Variants in PCGF6 observed in about 807,000 individuals in gnomAD.
The protein encoded by PCGF6 is polycomb group ring finger 6, also known as polycomb group RING finger protein 6.
In PCGF6, 24 loss-of-function variants were observed where a neutral mutation model predicts 45.5. That is an observed-to-expected ratio of 0.53 (90% CI 0.38 to 0.74). The LOEUF (loss-of-function observed/expected upper bound fraction) is 0.74, where lower values mean the gene tolerates loss of function less well. PCGF6 is among the 30% of genes least tolerant of loss of function. PCGF6 has a pLI of 0.00. For missense variants in PCGF6, 356 were observed against 443.2 expected, an observed-to-expected ratio of 0.80 and a Z score of 1.77; for synonymous variants, 152 against 162.1, an observed-to-expected ratio of 0.94 and a Z score of 0.47.
intron 7 of PCGF6, among the ~76,000 whole-genome samples, chr10:103,332,161 T>A (rs2093242425): frequency 6.6e-6 from 1 of 152,216 alleles, no homozygotes; most frequent in Non-Finnish European, 1.5e-5. Flanking sequence ...GTCACCTTCC[T>A]ATATGTCTTG....
chr10:103,347,092 A>G, intron 5 of PCGF6, 146 bp downstream of exon 5: 2 of 584,698 alleles, frequency 3.4e-6, no homozygotes, highest in South Asian at 6.0e-5. Context: ...TAATTTTTAT[A>G]AATAAATTGG....
intron 7 of PCGF6, among the ~76,000 whole-genome samples, chr10:103,331,481 C>T (rs757999191): frequency 1.3e-5 from 2 of 152,130 alleles, no homozygotes; most frequent in Non-Finnish European, 2.9e-5. Context: ...TAGTCTCGAA[C>T]TCCTGAACTC....
At chr10:103,313,742 A>G (rs1175582896) in intron 9 of PCGF6, among the ~76,000 whole-genome samples, 3 of 152,222 alleles carry the variant, frequency 2.0e-5, no homozygotes, top group Non-Finnish European at 4.4e-5. Flanking sequence ...CTAAAGCCTA[A>G]TAAGTACTTG....
intron 8 of PCGF6, among the ~76,000 whole-genome samples, chr10:103,318,916 C>T (rs1205649199): frequency 2.6e-5 from 4 of 152,140 alleles, no homozygotes; most frequent in Non-Finnish European, 1.5e-5. Context: ...ACGACAGCAG[C>T]CTCAAGGCTG....
chr10:103,339,808 AAAACAC>A (rs1158044644), intron 6 of PCGF6, among the ~76,000 whole-genome samples: 1,580 of 78,012 alleles, frequency 0.02, 105 homozygotes, highest in African/African-American at 0.031. Context: ...TCTCAAAAAA[AAAACAC>A]ACACACACAC....
intron 8 of PCGF6, among the ~76,000 whole-genome samples, chr10:103,322,887 A>C (rs571025234): frequency 2.0e-5 from 3 of 150,678 alleles, no homozygotes; most frequent in South Asian, 4.2e-4. Flanking sequence ...CCAAAAAAAA[A>C]ACAAAAAACA....
intron 6 of PCGF6, among the ~76,000 whole-genome samples, chr10:103,336,412 T>C (rs2093257550): frequency 6.6e-6 from 1 of 151,986 alleles, no homozygotes; most frequent in South Asian, 2.1e-4. Flanking sequence ...TACACATAAA[T>C]AGAATGTTAA....
intron 1 of PCGF6, among the ~76,000 whole-genome samples, chr10:103,349,791 A>G (rs2093314313): frequency 6.7e-6 from 1 of 150,030 alleles, no homozygotes; most frequent in Non-Finnish European, 1.5e-5. Context: ...TTGTTTCAAA[A>G]GGATCTTTAC....
At chr10:103,326,669 A>C in intron 7 of PCGF6, 37 bp from the exon 8 acceptor site, 1 of 1,493,504 alleles carries the variant, frequency 6.7e-7, no homozygotes, top group Non-Finnish European at 9.3e-7. Flanking sequence ...TTTTAGGTTA[A>C]ATATACCTGT....
rs547655954 is a variant in PCGF6, at chr10:103,331,446, T to C, written c.810+2479A>G. On this transcript the variant is annotated intron_variant, in intron 7 of 9. Transcript: ENST00000369847. ...CTAATTTTTGTATTTTTAATAGAGATAGAGTTTTGGCATGTTGGCCAGGCT... is the reference window on the plus strand; with the variant it reads ...CTAATTTTTGTATTTTTAATAGAGACAGAGTTTTGGCATGTTGGCCAGGCT... 4.6e-5 allele frequency among the ~76,000 whole-genome samples: 7 copies of C among 152,034 alleles called. No individual in the cohort carries two copies. In the East Asian group the frequency reaches 5.9e-4, roughly 13 times the overall value.
At chr10:103,334,422 T>C (rs2093249688) in intron 6 of PCGF6, among the ~76,000 whole-genome samples, 2 of 152,164 alleles carry the variant, frequency 1.3e-5, no homozygotes, top group African/African-American at 4.8e-5. Flanking sequence ...AATACATTAT[T>C]AACTGTAGTC....
chr10:103,309,006 G>GT (rs1359960760), intron 9 of PCGF6, among the ~76,000 whole-genome samples: 1 of 152,102 alleles, frequency 6.6e-6, no homozygotes, highest in Non-Finnish European at 1.5e-5. Flanking sequence ...TTTGCCCAAT[G>GT]TTTATACCCC....
rs536437333 is a variant in PCGF6 at position 103,304,802 on chromosome 10, C to T, written c.997-841G>A. Among the ~76,000 whole-genome samples the T allele has an allele frequency of 3.3e-5, 5 of 152,082 alleles. No individual in the cohort carries two copies. In the East Asian group the frequency reaches 7.7e-4, roughly 23 times the overall value. Reference sequence around the variant, plus strand: ...TTATGAATAGCTGGGAAAATAGACACGCACCACCACCAGACTCATTTTTGT... The same window carrying T: ...TTATGAATAGCTGGGAAAATAGACATGCACCACCACCAGACTCATTTTTGT... On this transcript the variant is annotated intron_variant, in intron 9 of 9. Coordinates refer to ENST00000369847, the MANE Select transcript of PCGF6 (RefSeq NM_001011663.2).
At chr10:103,331,451 T>G (rs534837903) in intron 7 of PCGF6, among the ~76,000 whole-genome samples, 8 of 151,826 alleles carry the variant, frequency 5.3e-5, no homozygotes, top group Admixed American at 5.3e-4. Flanking sequence ...AGAGATAGAG[T>G]TTTGGCATGT....
chr10:103,324,519 G>A (rs2093209484), intron 8 of PCGF6, among the ~76,000 whole-genome samples: 1 of 151,854 alleles, frequency 6.6e-6, no homozygotes, highest in African/African-American at 2.4e-5. Flanking sequence ...AGCACTTTGG[G>A]AGGCCGAGGC....
In PCGF6 at chr10:103,347,307, G is replaced by A; in HGVS notation, c.614-10C>T. ...ATTTGCTTTTTTTCTCCTAAAAAATGATAAAACACAGACTAAATTACACTT... is the reference window on the plus strand; with the variant it reads ...ATTTGCTTTTTTTCTCCTAAAAAATAATAAAACACAGACTAAATTACACTT... On this transcript the variant is annotated splice_polypyrimidine_tract_variant and intron_variant, in intron 4 of 9. Transcript: ENST00000369847. 8 of 1,601,342 alleles carry A rather than the reference G, an allele frequency of 5.0e-6. No individual in the cohort carries two copies. Among genetic ancestry groups the A allele is most frequent in the Non-Finnish European group, 6.8e-6 (8 of 1,168,722 alleles).
intron 5 of PCGF6, 127 bp downstream of exon 5, chr10:103,347,111 C>T: frequency 1.5e-6 from 1 of 682,444 alleles, no homozygotes; most frequent in Non-Finnish European, 2.5e-6. Context: ...GGATTACACA[C>T]AGCATTACCT....
intron 6 of PCGF6, among the ~76,000 whole-genome samples, chr10:103,340,007 CAAAAAAAA>C (rs60211186): frequency 1.8e-4 from 11 of 60,164 alleles, no homozygotes; most frequent in South Asian, 1.8e-3. Context: ...ACTAAAAATA[CAAAAAAAA>C]AAAAAAAAAA....
At chr10:103,325,389 G>A (rs2093214399) in intron 8 of PCGF6, among the ~76,000 whole-genome samples, 2 of 151,938 alleles carry the variant, frequency 1.3e-5, no homozygotes, top group Non-Finnish European at 2.9e-5. Context: ...GAGTAGCTGG[G>A]ATTACAGGTG....
Sources: allele counts gnomAD v4.1 joint callset (sites outside exome capture counted in the v4.1 genomes callset), GRCh38; gene constraint gnomAD v4.1.1; transcripts MANE v1.5; gene names NCBI Gene and HGNC (gene_info 2026-07-23, HGNC 2026-07-21).